The following ANGPTL2 variants were observed in gnomAD, a reference collection of about 807,000 sequenced individuals.
The protein encoded by ANGPTL2 is angiopoietin-related protein 2.
Under a neutral mutation model 52.8 loss-of-function variants are expected in ANGPTL2, and 25 were observed. That is an observed-to-expected ratio of 0.47 (90% CI 0.35 to 0.66). ANGPTL2 has a LOEUF of 0.66. Ranked by LOEUF, ANGPTL2 falls within the 30% of genes least tolerant of loss-of-function variation. The pLI, the probability that ANGPTL2 is intolerant of heterozygous loss-of-function variation, is 0.01. For missense variants in ANGPTL2, 546 were observed against 656.9 expected (o/e 0.83, Z 1.84); for synonymous variants, 276 against 277.4 (o/e 1.00, Z 0.05).
intron 3 of ANGPTL2, among the ~76,000 whole-genome samples, chr9:127,093,486 ACT>A (rs2052731817): frequency 6.6e-6 from 1 of 151,714 alleles, no homozygotes; most frequent in African/African-American, 2.4e-5. Context: ...TGGTCTACTG[ACT>A]CTTGTCCTGC....
Position 127,087,642 on chromosome 9 carries a change from C to T in ANGPTL2, c.*1297G>A, listed in dbSNP as rs1416471709. 1.3e-5 allele frequency: 2 copies of T among 152,366 alleles called. No homozygotes were observed. The allele number at this position is 152,366 out of a possible 1,614,324, so 9.4% of individuals were successfully genotyped here. ...CTGACACTTGGTGGCCAACAGGACTCAGAAAGCCACCATGCTGCAGTGCAT... is the reference window on the plus strand; with the variant it reads ...CTGACACTTGGTGGCCAACAGGACTTAGAAAGCCACCATGCTGCAGTGCAT... On this transcript the variant is annotated 3_prime_UTR_variant, in exon 5 of 5. Coordinates refer to ENST00000373425, the MANE Select transcript of ANGPTL2 (RefSeq NM_012098.3).
chr9:127,097,720 C>T (rs1158651728), intron 2 of ANGPTL2, among the ~76,000 whole-genome samples: 4 of 152,202 alleles, frequency 2.6e-5, no homozygotes, highest in Non-Finnish European at 5.9e-5. Context: ...ATAGCTGTTC[C>T]ATATAAATAA....
intron 1 of ANGPTL2, among the ~76,000 whole-genome samples, chr9:127,115,497 T>G (rs1266295977): frequency 1.3e-5 from 2 of 152,214 alleles, no homozygotes; most frequent in Non-Finnish European, 2.9e-5. Flanking sequence ...GAGAAAGGTA[T>G]TATATCTGCA....
At chr9:127,094,353 C>T (rs533495391) in intron 2 of ANGPTL2, among the ~76,000 whole-genome samples, 2 of 152,298 alleles carry the variant, frequency 1.3e-5, no homozygotes, top group South Asian at 4.1e-4. Context: ...AACGTGGCAA[C>T]ATCAGTCAGT....
Position 127,091,935 on chromosome 9 carries a change from C to A in ANGPTL2, c.1017G>T (p.Gly339=). ...FFRNWETYKQ[G]FGNIDGEYWL... ...AGTATTCGCCGTCAATGTTCCCAAA[C>A]CCTTGCTGGGGAAAACCCAGGAGAG... Residue 339 remains glycine (G), a synonymous_variant, in exon 4 of 5, where the codon GGG becomes GGT. Coordinates refer to ENST00000373425, the MANE Select transcript of ANGPTL2 (RefSeq NM_012098.3). This position sits in a 1 kb window ranked among gnomAD's most constrained non-coding sequence, Gnocchi z 4.3. 1.2e-6 allele frequency: 2 copies of A among 1,613,746 alleles called. No homozygotes were observed. The highest frequency in any genetic ancestry group is 8.5e-7 in the Non-Finnish European group (1 of 1,179,786).
intron 4 of ANGPTL2, among the ~76,000 whole-genome samples, chr9:127,090,073 A>G (rs2052282433): frequency 6.6e-6 from 1 of 152,044 alleles, no homozygotes; most frequent in South Asian, 2.1e-4. Flanking sequence ...GTTTTCCCAG[A>G]GTTTTTCTGG....
At chr9:127,120,650 G>A (rs925744478) in intron 1 of ANGPTL2, among the ~76,000 whole-genome samples, 4 of 152,066 alleles carry the variant, frequency 2.6e-5, no homozygotes, top group African/African-American at 4.8e-5. Context: ...GGTGAAACCC[G>A]TCTCTACTGA....
At chr9:127,103,738 C>G (rs1404948609) in intron 2 of ANGPTL2, among the ~76,000 whole-genome samples, 1 of 152,112 alleles carries the variant, frequency 6.6e-6, no homozygotes, top group Non-Finnish European at 1.5e-5. Context: ...TCCCAGAGCT[C>G]ATTTTAAGGA....
At chr9:127,104,774 G>C (rs1335022837) in intron 2 of ANGPTL2, among the ~76,000 whole-genome samples, 1 of 152,240 alleles carries the variant, frequency 6.6e-6, no homozygotes, top group African/African-American at 2.4e-5. Flanking sequence ...ATGGCTCTGA[G>C]GCTGCTGAGT....
At chr9:127,105,003 A>G (rs1242604961) in intron 2 of ANGPTL2, among the ~76,000 whole-genome samples, 1 of 152,068 alleles carries the variant, frequency 6.6e-6, no homozygotes, top group African/African-American at 2.4e-5. Context: ...CAGAGAGACC[A>G]TCTGTTTTTT....
At chr9:127,104,286 C>G (rs958997151) in intron 2 of ANGPTL2, among the ~76,000 whole-genome samples, 8 of 152,222 alleles carry the variant, frequency 5.3e-5, no homozygotes, top group African/African-American at 1.9e-4. Context: ...CCTCCCTGAT[C>G]AGTCTCTGGG....
At chr9:127,107,353 A>G (rs891829779) in intron 2 of ANGPTL2, among the ~76,000 whole-genome samples, 1 of 152,222 alleles carries the variant, frequency 6.6e-6, no homozygotes, top group Non-Finnish European at 1.5e-5. Context: ...TGAAACGTGT[A>G]TGTAAGAGCA....
At chr9:127,107,750 C>T (rs2054359259) in intron 2 of ANGPTL2, among the ~76,000 whole-genome samples, 165 bp downstream of exon 2, 1 of 152,220 alleles carries the variant, frequency 6.6e-6, no homozygotes, top group Non-Finnish European at 1.5e-5. Flanking sequence ...CCACCCGTCA[C>T]CCTGCTGGCT....
rs137929852 is a variant in ANGPTL2 at position 127,108,068 on chromosome 9, G to A, written c.664C>T (p.Pro222Ser). 2.2e-5 allele frequency: 36 copies of A among 1,611,328 alleles called. No homozygotes were observed. The African/African-American group carries it at 4.1e-4, about 19-fold the overall frequency. Residue 222 changes from proline (P) to serine (S), a missense_variant, in exon 2 of 5, where the codon CCC becomes TCC. Physicochemically the swap from Pro to Ser is moderately conservative, Grantham distance 74. This residue lies in a region of ANGPTL2 where 285 missense variants were observed against 295.8 expected (regional missense o/e 0.96). Transcript: ENST00000373425. ...TAGGTGGGTGGTTGGTAGACCCGGGGCGGGGCAGCGGGGGGTGGCTGGGGG... is the reference window on the plus strand; with the variant it reads ...TAGGTGGGTGGTTGGTAGACCCGGGACGGGGCAGCGGGGGGTGGCTGGGGG... The part of the protein sequence containing the change: ...PVPQPPPAAP[P>S]RVYQPPTYNR...
rs189011619 is a variant in ANGPTL2, at chr9:127,117,134, C to A, written c.-50+5181G>T. Among the ~76,000 whole-genome samples the A allele has an allele frequency of 1.1e-3, 173 of 152,348 alleles. 1 individual carries two copies. Among genetic ancestry groups the A allele is most frequent in the East Asian group, 6.0e-3 (31 of 5,182 alleles). ...GCTTCCTGCCTCGAGTACCTTCCCCCACTGTCCTGGCTGATGCCTGCCTGT... is the reference window on the plus strand; with the variant it reads ...GCTTCCTGCCTCGAGTACCTTCCCCAACTGTCCTGGCTGATGCCTGCCTGT... On this transcript the variant is annotated intron_variant, in intron 1 of 4. Transcript: ENST00000373425.
rs999956477 is a variant in ANGPTL2 at position 127,091,278 on chromosome 9, A to G, written c.1282+392T>C. ...ATGGCTGGTAGGAGGTGGGGCCAGC[A>G]CTGGAGCCCAGGTGTGTGGCCCAGA... On this transcript the variant is annotated intron_variant, in intron 4 of 4. Transcript: ENST00000373425. This position sits in a 1 kb window ranked among gnomAD's most constrained non-coding sequence, Gnocchi z 4.3. 3.3e-5 allele frequency among the ~76,000 whole-genome samples: 5 copies of G among 152,186 alleles called. No homozygotes were observed. Among genetic ancestry groups the G allele is most frequent in the African/African-American group, 1.2e-4 (5 of 41,438 alleles).
At position 127,088,930 on chromosome 9, in the gene ANGPTL2, G is replaced by T. The variant is rs1228516997; in HGVS notation, c.*9C>A. ...CAATGGCCACGAGAGGTCAGGAGGG[G>T]GAGCTGGCTTAGTGGAAGGTGTTGG... On this transcript the variant is annotated 3_prime_UTR_variant, in exon 5 of 5. Transcript: ENST00000373425. The T allele has an allele frequency of 6.2e-7, 1 of 1,614,194 alleles. No individual in the cohort carries two copies. Among genetic ancestry groups the T allele is most frequent in the South Asian group, 1.1e-5 (1 of 91,082 alleles).
intron 1 of ANGPTL2, among the ~76,000 whole-genome samples, chr9:127,109,440 A>ATG (rs1437042650): frequency 1.3e-5 from 2 of 152,250 alleles, no homozygotes; most frequent in Non-Finnish European, 2.9e-5. Flanking sequence ...CAGTGGAAGG[A>ATG]TGTGTCCAGT....
chr9:127,117,780 GAC>G (rs1435221921), intron 1 of ANGPTL2, among the ~76,000 whole-genome samples: 2 of 152,266 alleles, frequency 1.3e-5, no homozygotes, highest in African/African-American at 2.4e-5. Flanking sequence ...AACTGAGACA[GAC>G]ACAGCCTTTC....
Sources: gnomAD v4.1 joint callset for allele counts (sites outside exome capture counted in the v4.1 genomes callset) on GRCh38, gnomAD v4.1.1 for gene constraint, gnomAD v4.1.1 regional missense constraint, Gnocchi (gnomAD v3.1) non-coding constraint, MANE v1.5 for transcripts, NCBI Gene and HGNC (gene_info 2026-07-23, HGNC 2026-07-21) for gene names.